The following DYNC1LI1 variants were observed in gnomAD, a reference collection of about 807,000 sequenced individuals.
DYNC1LI1 encodes the protein dynein cytoplasmic 1 light intermediate chain 1.
DYNC1LI1 carries 19 observed loss-of-function variants against 63.8 expected under a neutral mutation model. That is an observed-to-expected ratio of 0.30 (90% CI 0.21 to 0.44). The LOEUF is 0.44. Among genes scored for constraint, DYNC1LI1 ranks in the 20% least tolerant of loss-of-function variants. DYNC1LI1 has a pLI of 1.00. For synonymous variants in DYNC1LI1, 225 were observed against 232.3 expected, an observed-to-expected ratio of 0.97 and a Z score of 0.28; for missense variants, 565 against 630.2, an observed-to-expected ratio of 0.90 and a Z score of 1.11.
At chr3:32,547,543 T>C (rs1575154917) in intron 2 of DYNC1LI1, among the ~76,000 whole-genome samples, 1 of 152,148 alleles carries the variant, frequency 6.6e-6, no homozygotes, top group South Asian at 2.1e-4. Context: ...ACCTCTGCAA[T>C]GGTGTTTATA....
At chr3:32,535,236 A>C (rs755750945) in intron 6 of DYNC1LI1, among the ~76,000 whole-genome samples, 68 of 152,218 alleles carry the variant, frequency 4.5e-4, no homozygotes, top group Non-Finnish European at 8.2e-4. Context: ...GAAATAACAC[A>C]ACCTCACATC....
chr3:32,562,484 C>CCAGCTATTTAAAAA (rs1312835334), intron 2 of DYNC1LI1, among the ~76,000 whole-genome samples: 3 of 152,072 alleles, frequency 2.0e-5, no homozygotes, highest in Non-Finnish European at 4.4e-5. Context: ...GGACAAAAGA[C>CCAGCTATTTAAAAA]ATGTGCCACC....
intron 2 of DYNC1LI1, among the ~76,000 whole-genome samples, chr3:32,565,369 G>A (rs150913420): frequency 2.0e-4 from 31 of 152,272 alleles, no homozygotes; most frequent in African/African-American, 6.3e-4. Flanking sequence ...AAGTTACACT[G>A]AAGTCCTATC....
Position 32,570,424 on chromosome 3 carries a change from C to T in DYNC1LI1, c.147-5G>A, listed in dbSNP as rs750587463. 6.9e-6 allele frequency: 11 copies of T among 1,596,806 alleles called. 1 individual carries two copies. Among genetic ancestry groups the T allele is most frequent in the South Asian group, 6.8e-5 (6 of 88,422 alleles). On this transcript the variant is annotated splice_polypyrimidine_tract_variant and splice_region_variant and intron_variant, in intron 1 of 12. Transcript: ENST00000273130. ...ACCTCGCTGAGGATGCAGGACCTAA[C>T]GGGAAGCAAGGCGTACGGTGAGGCC...
chr3:32,534,565 T>C lies in DYNC1LI1; in HGVS notation c.914A>G (p.Tyr305Cys). The C allele has an allele frequency of 2.5e-6, 4 of 1,599,544 alleles. No homozygotes were observed. In the South Asian group the frequency reaches 4.5e-5, roughly 18 times the overall value. The change falls in exon 7 of 13, where the codon TAT becomes TGT. Residue 305 changes from tyrosine to cysteine, a missense_variant. By Grantham distance (194) the Tyr-to-Cys change is radical. Transcript: ENST00000273130. ...LVYKYIVQKL[Y>C]GFPYKIPAVV... Reference sequence around the variant, plus strand: ...AGCAGGAATCTTATAGGGAAATCCATATAGTTTCTGAACGATGTATTTATA... The same window carrying C: ...AGCAGGAATCTTATAGGGAAATCCACATAGTTTCTGAACGATGTATTTATA...
chr3:32,539,990 G>T (rs950618913), intron 5 of DYNC1LI1, among the ~76,000 whole-genome samples: 7 of 150,750 alleles, frequency 4.6e-5, no homozygotes, highest in African/African-American at 1.7e-4. Flanking sequence ...TCAGCCTCCT[G>T]AGTAGCTGGG....
chr3:32,540,910 A>G, intron 5 of DYNC1LI1, 127 bp downstream of exon 5: 2 of 601,832 alleles, frequency 3.3e-6, no homozygotes, highest in Non-Finnish European at 5.5e-6. Flanking sequence ...ACTTTAAACT[A>G]TTATTTGTTT....
intron 7 of DYNC1LI1, among the ~76,000 whole-genome samples, chr3:32,533,381 A>G (rs1258381769): frequency 2.6e-5 from 4 of 152,094 alleles, no homozygotes; most frequent in Non-Finnish European, 4.4e-5. Context: ...GGAGGTTGAG[A>G]CAGGAGAATC....
At chr3:32,527,429 A>G (rs1010288337) in intron 12 of DYNC1LI1, among the ~76,000 whole-genome samples, 1 of 152,040 alleles carries the variant, frequency 6.6e-6, no homozygotes, top group African/African-American at 2.4e-5. Context: ...AAGGCATAGG[A>G]CAATAAGAAC....
At chr3:32,542,663 C>T (rs1350022725) in intron 4 of DYNC1LI1, among the ~76,000 whole-genome samples, 1 of 152,166 alleles carries the variant, frequency 6.6e-6, no homozygotes, top group Non-Finnish European at 1.5e-5. Flanking sequence ...CCTTGGCCTC[C>T]CCAAGTGTTG....
At position 32,540,637 on chromosome 3, in the gene DYNC1LI1, T is replaced by C. The variant is rs1197618294; in HGVS notation, c.738+400A>G. Among the ~76,000 whole-genome samples, 16 of 150,942 alleles carry C rather than the reference T, an allele frequency of 1.1e-4. No homozygotes were observed. The East Asian group carries it at 2.3e-3, about 22-fold the overall frequency. The stretch of plus-strand genomic sequence containing the variant: ...CGGAGGTTGCAGTGAGCCGAGATTG[T>C]TCCATTGTACTCCAGCCTGGGCAAC... On this transcript the variant is annotated intron_variant, in intron 5 of 12. Coordinates refer to ENST00000273130, the MANE Select transcript of DYNC1LI1 (RefSeq NM_016141.4).
At chr3:32,548,687 G>A (rs571798186) in intron 2 of DYNC1LI1, among the ~76,000 whole-genome samples, 2 of 152,238 alleles carry the variant, frequency 1.3e-5, no homozygotes, top group African/African-American at 4.8e-5. Flanking sequence ...TGTACAACTT[G>A]GTGACTATAG....
chr3:32,533,226 T>C (rs1697725653), intron 7 of DYNC1LI1, 129 bp from the exon 8 acceptor site: 4 of 1,345,518 alleles, frequency 3.0e-6, no homozygotes, highest in Admixed American at 4.0e-5. Flanking sequence ...AATTAGCTTT[T>C]CATTATGATG....
intron 2 of DYNC1LI1, among the ~76,000 whole-genome samples, chr3:32,562,169 A>C (rs1415397601): frequency 6.6e-6 from 1 of 152,154 alleles, no homozygotes; most frequent in Middle Eastern, 3.2e-3. Context: ...AGGCTGAGGC[A>C]GGAAAATCAC....
chr3:32,556,934 C>A (rs562670351), intron 2 of DYNC1LI1, among the ~76,000 whole-genome samples: 7 of 152,294 alleles, frequency 4.6e-5, no homozygotes, highest in African/African-American at 1.7e-4. Flanking sequence ...CTATTAAAAT[C>A]ATTCATTACT....
intron 5 of DYNC1LI1, among the ~76,000 whole-genome samples, chr3:32,538,697 T>C (rs1052588354): frequency 6.7e-6 from 1 of 149,614 alleles, no homozygotes; most frequent in East Asian, 2.0e-4. Flanking sequence ...CAAGGCTCCA[T>C]ATAAAAAAAA....
Position 32,545,849 on chromosome 3 carries a change from C to T in DYNC1LI1, c.337G>A (p.Asp113Asn). 1 of 1,583,476 alleles carries T rather than the reference C, an allele frequency of 6.3e-7. No homozygotes were observed. Among genetic ancestry groups the T allele is most frequent in the Non-Finnish European group, 8.7e-7 (1 of 1,152,546 alleles). ...AATTTATGTTACAAATGACACTCACCATCCCTGTCTTCATCATGCACATTT... is the reference window on the plus strand; with the variant it reads ...AATTTATGTTACAAATGACACTCACTATCCCTGTCTTCATCATGCACATTT... ...YLNVHDEDRD[D>N]QTRCNVWILD... The change falls in exon 3 of 13, where the codon GAT becomes AAT. Residue 113 changes from aspartate (D) to asparagine (N), a missense_variant and splice_region_variant. Coordinates refer to ENST00000273130, the MANE Select transcript of DYNC1LI1 (RefSeq NM_016141.4).
intron 2 of DYNC1LI1, among the ~76,000 whole-genome samples, chr3:32,568,233 C>T (rs1435625027): frequency 1.3e-5 from 2 of 152,180 alleles, no homozygotes; most frequent in Non-Finnish European, 2.9e-5. Flanking sequence ...CCTTCAAACT[C>T]ATAACAAAGA....
intron 8 of DYNC1LI1, chr3:32,532,025 AGTC>A (rs1697704406): frequency 6.6e-6 from 1 of 152,212 alleles, no homozygotes; most frequent in African/African-American, 2.4e-5. Context: ...GATTAGGGAT[AGTC>A]AATTTATTTA....
Sources: gnomAD v4.1 joint callset for allele counts (sites outside exome capture counted in the v4.1 genomes callset) on GRCh38, gnomAD v4.1.1 for gene constraint, MANE v1.5 for transcripts, NCBI Gene and HGNC (gene_info 2026-07-23, HGNC 2026-07-21) for gene names.